The following FGF14 variants were observed in gnomAD, a reference collection of about 807,000 sequenced individuals.
FGF14 encodes the protein fibroblast growth factor homologous factor 4.
A neutral mutation model predicts 25.5 loss-of-function variants in FGF14; 5 were observed. The ratio of observed to expected loss-of-function variants is 0.20; its 90% CI spans 0.10 to 0.41. The LOEUF (loss-of-function observed/expected upper bound fraction) is 0.41, where lower values mean the gene tolerates loss of function less well. Ranked by LOEUF, FGF14 falls within the 10% of genes least tolerant of loss-of-function variation. The pLI is 1.00. For synonymous variants in FGF14, 138 were observed against 118.3 expected (o/e 1.17, Z -1.08); for missense variants, 222 against 320.1 (o/e 0.69, Z 2.34).
At chr13:101,744,343 G>A (rs148146535) in intron 3 of FGF14, among the ~76,000 whole-genome samples, 3 of 151,992 alleles carry the variant, frequency 2.0e-5, no homozygotes, top group East Asian at 1.9e-4. Flanking sequence ...TACAACTCTC[G>A]GGGACAAAGT....
chr13:101,965,680 T>TTC (rs1293856852), intron 1 of FGF14, among the ~76,000 whole-genome samples: 1 of 151,558 alleles, frequency 6.6e-6, no homozygotes, highest in Non-Finnish European at 1.5e-5. Context: ...TGTTAGTTTT[T>TTC]TTTTTTTTGT....
At chr13:101,941,963 C>T (rs2035482862) in intron 1 of FGF14, among the ~76,000 whole-genome samples, 1 of 152,090 alleles carries the variant, frequency 6.6e-6, no homozygotes, top group East Asian at 1.9e-4. Context: ...GTTTTACTCT[C>T]TTAATATTTT....
intron 1 of FGF14, among the ~76,000 whole-genome samples, chr13:102,059,886 G>GA (rs2042602846): frequency 1.3e-5 from 2 of 150,276 alleles, no homozygotes; most frequent in African/African-American, 4.9e-5. Flanking sequence ...AAAAAGAAAA[G>GA]AAAGAAAGAA....
At chr13:102,385,900 G>C (rs967656168) in intron 1 of FGF14, among the ~76,000 whole-genome samples, 1 of 152,080 alleles carries the variant, frequency 6.6e-6, no homozygotes, top group African/African-American at 2.4e-5. Context: ...TGTTAAAGCA[G>C]TATTTCACTA....
intron 1 of FGF14, among the ~76,000 whole-genome samples, chr13:102,153,361 T>C (rs2047175855): frequency 6.6e-6 from 1 of 152,146 alleles, no homozygotes; most frequent in Non-Finnish European, 1.5e-5. Flanking sequence ...TGTATAGAAA[T>C]AGAAAGAACT....
At chr13:102,093,801 A>C (rs1003598553) in intron 1 of FGF14, among the ~76,000 whole-genome samples, 2 of 131,818 alleles carry the variant, frequency 1.5e-5, no homozygotes, top group African/African-American at 6.1e-5. Context: ...ATCCTGTGTA[A>C]GGATCATTGT....
At chr13:101,925,964 G>A (rs2034332066) in intron 1 of FGF14, among the ~76,000 whole-genome samples, 1 of 152,096 alleles carries the variant, frequency 6.6e-6, no homozygotes, top group Non-Finnish European at 1.5e-5. Flanking sequence ...CTTGCATCTT[G>A]CTTCCATTGT....
chr13:102,384,929 G>T (rs2058266360), intron 1 of FGF14, among the ~76,000 whole-genome samples: 1 of 152,152 alleles, frequency 6.6e-6, no homozygotes, highest in South Asian at 2.1e-4. Context: ...CTACACCAGA[G>T]ATTTTCACCT....
chr13:101,741,378 T>G (rs896156207), intron 3 of FGF14, among the ~76,000 whole-genome samples: 8 of 152,158 alleles, frequency 5.3e-5, no homozygotes, highest in African/African-American at 1.7e-4. Context: ...TGAGCAGTAC[T>G]ATAGTAGGAG....
intron 1 of FGF14, among the ~76,000 whole-genome samples, chr13:102,334,442 C>A (rs1439892016): frequency 6.6e-6 from 1 of 152,240 alleles, no homozygotes; most frequent in South Asian, 2.1e-4. Context: ...TAAATTACTG[C>A]AGCCAGAAAA....
rs1214520272 is a variant in FGF14 at position 102,392,650 on chromosome 13, G to A, written c.208+8821C>T. ...GATGGAAGTGTTCTGTTGGCAAATG[G>A]CCAGAAGACTAGCTCACCAGAACTG... On this transcript the variant is annotated intron_variant, in intron 1 of 4. Transcript: ENST00000376131. 3.9e-5 allele frequency among the ~76,000 whole-genome samples: 6 copies of A among 152,220 alleles called. No homozygotes were observed. In the East Asian group the frequency reaches 1.2e-3, roughly 29 times the overall value.
intron 1 of FGF14, among the ~76,000 whole-genome samples, chr13:102,364,738 C>T (rs1284198149): frequency 6.6e-6 from 1 of 152,292 alleles, no homozygotes; most frequent in South Asian, 2.1e-4. Flanking sequence ...TCCACAGCAC[C>T]GCAGCCAGTG....
At position 102,237,076 on chromosome 13, in the gene FGF14, G is replaced by C. The variant is rs117667037; in HGVS notation, c.208+164395C>G. On this transcript the variant is annotated intron_variant, in intron 1 of 4. Transcript: ENST00000376131. Reference sequence around the variant, plus strand: ...TGGCAAGCCAGGCCTAGAGGAGGCTGCCAGGAACACCGCAGGCTGAAGGAC... The same window carrying C: ...TGGCAAGCCAGGCCTAGAGGAGGCTCCCAGGAACACCGCAGGCTGAAGGAC... Among the ~76,000 whole-genome samples, 91 of 152,310 alleles carry C rather than the reference G, an allele frequency of 6.0e-4. No homozygotes were observed. In the East Asian group the frequency reaches 0.016, roughly 27 times the overall value.
chr13:101,733,326 C>CG (rs1298810864), intron 3 of FGF14, among the ~76,000 whole-genome samples: 10 of 151,930 alleles, frequency 6.6e-5, no homozygotes, highest in Non-Finnish European at 1.5e-5. Flanking sequence ...TGGCAGTGCA[C>CG]GGTGGTCACT....
chr13:101,755,040 G>A (rs2037550271), intron 3 of FGF14, among the ~76,000 whole-genome samples: 1 of 152,052 alleles, frequency 6.6e-6, no homozygotes, highest in Non-Finnish European at 1.5e-5. Flanking sequence ...ATCTAAGTAT[G>A]TACATATAAA....
In FGF14 at chr13:101,725,145, C is replaced by T. The variant is rs865866691; in HGVS notation, c.607+1467G>A. 5.6e-4 allele frequency among the ~76,000 whole-genome samples: 85 copies of T among 151,934 alleles called. 2 individuals are homozygous for T. Among genetic ancestry groups the T allele is most frequent in the African/African-American group, 1.7e-3 (72 of 41,388 alleles). On this transcript the variant is annotated intron_variant, in intron 4 of 4. Transcript: ENST00000376143. ...AAAATGAGTGAAAAGAGATAAAGCACGGTGGCAAATAAACAATGGTCTTAT... is the reference window on the plus strand; with the variant it reads ...AAAATGAGTGAAAAGAGATAAAGCATGGTGGCAAATAAACAATGGTCTTAT...
At chr13:101,745,009 A>C (rs1414480412) in intron 3 of FGF14, among the ~76,000 whole-genome samples, 1 of 152,094 alleles carries the variant, frequency 6.6e-6, no homozygotes, top group Non-Finnish European at 1.5e-5. Context: ...CTAGAATGGC[A>C]GAAATGACAA....
At position 101,743,179 on chromosome 13, in the gene FGF14, C is replaced by T. The variant is rs566311411; in HGVS notation, c.409-16369G>A. Among the ~76,000 whole-genome samples the T allele has an allele frequency of 2.0e-4, 31 of 152,252 alleles. No individual in the cohort carries two copies. In the South Asian group the frequency reaches 4.4e-3, roughly 21 times the overall value. ...TTGGGCACATGTTGTCAGTACCTCC[C>T]GAGGCTGTCACAGGCATATCTTTAA... On this transcript the variant is annotated intron_variant, in intron 3 of 4. Transcript: ENST00000376143.
chr13:101,722,935 C>T lies in FGF14; in HGVS notation c.640G>A (p.Val214Ile), dbSNP rs1336711646. 1.2e-6 allele frequency: 2 copies of T among 1,613,226 alleles called. No individual in the cohort carries two copies. Among genetic ancestry groups the T allele is most frequent in the Admixed American group, 3.3e-5 (2 of 59,870 alleles). Reference protein sequence around the residue: ...AMYREPSLHDVGETVPKPGVT... With the variant: ...AMYREPSLHDIGETVPKPGVT... Reference sequence around the variant, plus strand: ...CCAGGCTTCGGGACCGTTTCCCCAACATCATGCAAAGATGGTTCTCGGTAC... The same window carrying T: ...CCAGGCTTCGGGACCGTTTCCCCAATATCATGCAAAGATGGTTCTCGGTAC... The change falls in exon 5 of 5, where the codon GTT becomes ATT. Residue 214 changes from valine to isoleucine, a missense_variant. Around this residue, in one of 5 missense-constraint regions of FGF14, gnomAD observed 66 missense variants for 90.3 expected, o/e 0.73. Transcript: ENST00000376143.
Sources: allele counts gnomAD v4.1 joint callset (sites outside exome capture counted in the v4.1 genomes callset), GRCh38; gene constraint gnomAD v4.1.1; regional missense constraint gnomAD v4.1.1; transcripts MANE v1.5; gene names NCBI Gene and HGNC (gene_info 2026-07-23, HGNC 2026-07-21).